Variants in PBXIP1 observed in about 807,000 individuals in gnomAD.
The protein encoded by PBXIP1 is pre-B-cell leukemia transcription factor-interacting protein 1.
A neutral mutation model predicts 73.7 loss-of-function variants in PBXIP1; 73 were observed. The ratio of observed to expected loss-of-function variants is 0.99; its 90% CI spans 0.82 to 1.20. The LOEUF (loss-of-function observed/expected upper bound fraction) is 1.20. PBXIP1 is among the 50% of genes most tolerant of loss of function. The pLI is 0.00. For synonymous variants in PBXIP1, 330 were observed against 366.9 expected, an observed-to-expected ratio of 0.90 and a Z score of 1.15; for missense variants, 818 against 911.4, an observed-to-expected ratio of 0.90 and a Z score of 1.32.
Position 154,946,327 on chromosome 1 carries a change from G to A in PBXIP1, c.1347C>T (p.Asp449=), listed in dbSNP as rs750831105. Residue 449 remains aspartate (D), a synonymous_variant, in exon 10 of 11, where the codon GAC becomes GAT. Coordinates refer to ENST00000368463, the MANE Select transcript of PBXIP1 (RefSeq NM_020524.4). The part of the protein sequence containing the change: ...KLQGLENWGQ[D]PGVSANASKA... ...TTGAGGCATTGGCAGAGACCCCAGG[G>A]TCCTGGCCCCAGTTCTCCAGGCCCT... 2 of 1,614,062 alleles carry A rather than the reference G, an allele frequency of 1.2e-6. No individual in the cohort carries two copies. Among genetic ancestry groups the A allele is most frequent in the Non-Finnish European group, 1.7e-6 (2 of 1,180,022 alleles).
Position 154,946,254 on chromosome 1 carries a change from C to A in PBXIP1, c.1420G>T (p.Gly474Ter). ...SHFQNSREWS[G>*]KEKWWDGQRD... ...TGCCCATCCCACCACTTTTCCTTTC[C>A]ACTCCACTCCCTAGAATTCTGGAAG... The change falls in exon 10 of 11, where the codon GGA becomes TGA. Residue 474 changes from glycine (G) to a stop codon, truncating the protein, a stop_gained. Coordinates refer to ENST00000368463, the MANE Select transcript of PBXIP1 (RefSeq NM_020524.4). LOFTEE classifies it high-confidence loss of function. The A allele has an allele frequency of 6.2e-7, 1 of 1,614,158 alleles. No homozygotes were observed. The highest frequency in any genetic ancestry group is 1.6e-4 in the Middle Eastern group (1 of 6,062).
Position 154,944,717 on chromosome 1 carries a change from T to C in PBXIP1, c.*307A>G, listed in dbSNP as rs931416340. ...AAAGCTCTTTAGCTTCAGAATCAGA[T>C]TGCCTTCCCCAGACCCCACCCCAAA... On this transcript the variant is annotated 3_prime_UTR_variant, in exon 11 of 11. Coordinates refer to ENST00000368463, the MANE Select transcript of PBXIP1 (RefSeq NM_020524.4). The C allele has an allele frequency of 9.4e-6, 3 of 319,402 alleles. No individual in the cohort carries two copies. Among genetic ancestry groups the C allele is most frequent in the South Asian group, 5.9e-5 (1 of 17,044 alleles). The allele number at this position is 319,402 out of a possible 1,614,324, so 19.8% of individuals were successfully genotyped here.
intron 1 of PBXIP1, among the ~76,000 whole-genome samples, chr1:154,955,528 G>T (rs1217699346): frequency 6.6e-6 from 1 of 152,164 alleles, no homozygotes; most frequent in African/African-American, 2.4e-5. Flanking sequence ...TTCTTGGTTA[G>T]GTTAACCCAG....
At chr1:154,954,509 T>C (rs1655114498) in intron 1 of PBXIP1, among the ~76,000 whole-genome samples, 1 of 152,240 alleles carries the variant, frequency 6.6e-6, no homozygotes, top group Non-Finnish European at 1.5e-5. Context: ...TCATCCTAAA[T>C]TCTGTTTACC....
Position 154,946,710 on chromosome 1 carries a change from C to A in PBXIP1, c.964G>T (p.Ala322Ser). The change falls in exon 10 of 11, where the codon GCC (alanine) becomes TCC (serine). Residue 322 changes from alanine (A) to serine (S), a missense_variant. Coordinates refer to ENST00000368463, the MANE Select transcript of PBXIP1 (RefSeq NM_020524.4). ...TCTGACTCCAGAGCCCGCTGGAAGG[C>A]TTCGCCCTGCTGCAGAGCCCCCCGG... ...QLRGALQQGE[A>S]FQRALESELQ... 6.2e-7 allele frequency: 1 copy of A among 1,610,672 alleles called. No individual in the cohort carries two copies. Among genetic ancestry groups the A allele is most frequent in the Non-Finnish European group, 8.5e-7 (1 of 1,177,588 alleles).
chr1:154,949,208 C>T (rs1654930145), intron 5 of PBXIP1, among the ~76,000 whole-genome samples: 2 of 151,778 alleles, frequency 1.3e-5, no homozygotes, highest in South Asian at 4.2e-4. Context: ...CTCTGTCGTC[C>T]AGGCTGGAGT....
Position 154,945,908 on chromosome 1 carries a change from G to A in PBXIP1, c.1766C>T (p.Ser589Leu). ...RPKYRAPQGC[S>L]GVDECARQEG... ...CTGCCGGGCACACTCGTCCACACCT[G>A]AGCAGCCCTGGGGTGCCCGGTACTT... is the stretch of plus-strand genomic sequence containing the variant. Residue 589 changes from serine (S) to leucine (L), a missense_variant, in exon 10 of 11, where the codon TCA becomes TTA. Transcript: ENST00000368463. 1 of 1,614,176 alleles carries A rather than the reference G, an allele frequency of 6.2e-7. No homozygotes were observed. The highest frequency in any genetic ancestry group is 2.2e-5 in the East Asian group (1 of 44,888).
intron 6 of PBXIP1, 43 bp downstream of exon 6, chr1:154,948,090 A>C: frequency 6.4e-7 from 1 of 1,568,762 alleles, no homozygotes; most frequent in Non-Finnish European, 8.7e-7. Context: ...GAAGGCAGGC[A>C]GGCATGGAAG....
intron 2 of PBXIP1, among the ~76,000 whole-genome samples, 156 bp from the exon 3 acceptor site, chr1:154,952,077 G>C (rs1206834192): frequency 6.6e-6 from 1 of 152,178 alleles, no homozygotes; most frequent in Non-Finnish European, 1.5e-5. Context: ...CTGCGAGGAG[G>C]AACTTTCAGG....
chr1:154,951,156 G>A lies in PBXIP1; in HGVS notation c.409+76C>T. On this transcript the variant is annotated intron_variant, in intron 5 of 10. Coordinates refer to ENST00000368463, the MANE Select transcript of PBXIP1 (RefSeq NM_020524.4). This position sits in a 1 kb window ranked among gnomAD's most constrained non-coding sequence, Gnocchi z 4.3. ...CCCTAGGGCCTGGACCACAGCATGT[G>A]CTCAGTAGTGATGGCTGATCCCTCT... is the stretch of plus-strand genomic sequence containing the variant. 2 of 1,365,878 alleles carry A rather than the reference G, an allele frequency of 1.5e-6. No homozygotes were observed. The highest frequency in any genetic ancestry group is 1.2e-5 in the South Asian group (1 of 81,994). 84.6% of individuals were successfully genotyped at this position (1,365,878 alleles called of 1,614,324 possible). A position where few individuals can be genotyped will look rare whatever the true frequency, so the allele number is the denominator to read the frequency against.
At chr1:154,947,346 G>C (rs753645183) in intron 9 of PBXIP1, 71 bp downstream of exon 9, 287 of 1,550,420 alleles carry the variant, frequency 1.9e-4, no homozygotes, top group Middle Eastern at 3.4e-4. Context: ...ATTCCTTTTG[G>C]GGGAGGATGC....
intron 5 of PBXIP1, among the ~76,000 whole-genome samples, chr1:154,949,371 G>A (rs1008992444): frequency 6.6e-6 from 1 of 151,846 alleles, no homozygotes; most frequent in Non-Finnish European, 1.5e-5. Context: ...TAAAGACGGG[G>A]TTTTGCCATG....
Position 154,946,369 on chromosome 1 carries a change from T to A in PBXIP1, c.1305A>T (p.Arg435Ser). ...AHAGLAELGH[R>S]LAQKLQGLEN... ...CCAGGCCCTGCAGTTTCTGGGCCAA[T>A]CTGTGGCCCAGCTCAGCCAAGCCAG... is the stretch of plus-strand genomic sequence containing the variant. Residue 435 changes from arginine to serine, a missense_variant, in exon 10 of 11, where the codon AGA becomes AGT. Transcript: ENST00000368463. 1.9e-6 allele frequency: 3 copies of A among 1,613,406 alleles called. No individual in the cohort carries two copies. Among genetic ancestry groups the A allele is most frequent in the Non-Finnish European group, 2.5e-6 (3 of 1,179,824 alleles).
chr1:154,950,851 A>C (rs1654983842), intron 5 of PBXIP1, among the ~76,000 whole-genome samples: 1 of 152,196 alleles, frequency 6.6e-6, no homozygotes, highest in South Asian at 2.1e-4. Context: ...CTTAGGTCTG[A>C]TATGCACCTT....
intron 2 of PBXIP1, among the ~76,000 whole-genome samples, chr1:154,952,185 C>T (rs1027467901): frequency 6.6e-6 from 1 of 152,264 alleles, no homozygotes; most frequent in East Asian, 1.9e-4. Context: ...CTAGAGCCTA[C>T]GTTTCCCTCC....
chr1:154,955,274 A>G (rs984984684), intron 1 of PBXIP1, among the ~76,000 whole-genome samples: 2 of 152,058 alleles, frequency 1.3e-5, no homozygotes, highest in African/African-American at 4.8e-5. Context: ...GCTGACTGTT[A>G]ACAGGTGGTG....
intron 9 of PBXIP1, 162 bp downstream of exon 9, chr1:154,947,255 G>A (rs1359651594): frequency 2.5e-6 from 2 of 802,630 alleles, no homozygotes; most frequent in Non-Finnish European, 4.1e-6. Context: ...CTTAGCACAA[G>A]GGATGTGAAC....
At position 154,951,234 on chromosome 1, in the gene PBXIP1, G is replaced by A; in HGVS notation, c.407C>T (p.Ala136Val). 2 of 1,613,754 alleles carry A rather than the reference G, an allele frequency of 1.2e-6. No individual in the cohort carries two copies. Among genetic ancestry groups the A allele is most frequent in the Non-Finnish European group, 1.7e-6 (2 of 1,179,808 alleles). Residue 136 changes from alanine (A) to valine (V), a missense_variant and splice_region_variant, in exon 5 of 11, where the codon GCA (alanine) becomes GTA (valine). Transcript: ENST00000368463. This position sits in a 1 kb window ranked among gnomAD's most constrained non-coding sequence, Gnocchi z 4.3. ...PPQSLPSTPK[A>V]AWIREEGRCS... is the part of the protein sequence containing the mutation. Reference sequence around the variant, plus strand: ...GGAGAGGCAAGGAAGACTCTCACCTGCTTTGGGGGTTGAAGGCAGGCTCTG... The same window carrying A: ...GGAGAGGCAAGGAAGACTCTCACCTACTTTGGGGGTTGAAGGCAGGCTCTG...
chr1:154,951,150 G>A lies in PBXIP1; in HGVS notation c.409+82C>T. 7.7e-7 allele frequency: 1 copy of A among 1,303,698 alleles called. No homozygotes were observed. Among genetic ancestry groups the A allele is most frequent in the Non-Finnish European group, 1.1e-6 (1 of 912,864 alleles). The allele number at this position is 1,303,698 out of a possible 1,614,324, so 80.8% of individuals were successfully genotyped here. ...GCTCAGCCCTAGGGCCTGGACCACA[G>A]CATGTGCTCAGTAGTGATGGCTGAT... is the stretch of plus-strand genomic sequence containing the variant. On this transcript the variant is annotated intron_variant, in intron 5 of 10. Coordinates refer to ENST00000368463, the MANE Select transcript of PBXIP1 (RefSeq NM_020524.4). The surrounding 1 kb of genome is among the most constrained non-coding windows in gnomAD (Gnocchi z 4.3).
Sources: allele counts gnomAD v4.1 joint callset (sites outside exome capture counted in the v4.1 genomes callset), GRCh38; gene constraint gnomAD v4.1.1; non-coding constraint Gnocchi (gnomAD v3.1); transcripts MANE v1.5; gene names NCBI Gene and HGNC (gene_info 2026-07-23, HGNC 2026-07-21).